The following RHEB variants were observed in gnomAD, a reference collection of about 807,000 sequenced individuals.
The protein encoded by RHEB is Ras homolog, mTORC1 binding.
RHEB carries 2 observed loss-of-function variants against 28.8 expected under a neutral mutation model. That is an observed-to-expected ratio of 0.07 (90% CI 0.03 to 0.22). The LOEUF (loss-of-function observed/expected upper bound fraction) is 0.22, where lower values mean the gene tolerates loss of function less well. RHEB is among the 10% of genes least tolerant of loss of function. The pLI is 1.00. For synonymous variants in RHEB, 69 were observed against 77.3 expected (o/e 0.89, Z 0.56); for missense variants, 76 against 219.9 (o/e 0.35, Z 4.14).
At position 151,475,987 on chromosome 7, in the gene RHEB, AT is replaced by A. The variant is rs908848560; in HGVS notation, c.275+1345del. On this transcript the variant is annotated intron_variant, in intron 4 of 7. Coordinates refer to ENST00000262187, the MANE Select transcript of RHEB (RefSeq NM_005614.4). ...ACAGTATCTATGCTTAGGTAATTAG[AT>A]TAAGAATGATTACCCTCACTTTCTA... 5.3e-5 allele frequency among the ~76,000 whole-genome samples: 8 copies of A among 152,342 alleles called. No individual in the cohort carries two copies. In the East Asian group the frequency reaches 5.8e-4, roughly 11 times the overall value.
intron 1 of RHEB, among the ~76,000 whole-genome samples, chr7:151,514,005 G>A (rs1404672700): frequency 6.6e-6 from 1 of 152,126 alleles, no homozygotes; most frequent in Non-Finnish European, 1.5e-5. Flanking sequence ...TTAAAAACCA[G>A]CTACAAAACT....
At chr7:151,500,142 CA>C (rs1802747343) in intron 1 of RHEB, among the ~76,000 whole-genome samples, 1 of 152,132 alleles carries the variant, frequency 6.6e-6, no homozygotes, top group South Asian at 2.1e-4. Context: ...GATTTACTTT[CA>C]AAAGCCACTA....
At chr7:151,516,637 A>AG (rs1352758222) in intron 1 of RHEB, among the ~76,000 whole-genome samples, 4 of 151,848 alleles carry the variant, frequency 2.6e-5, no homozygotes, top group Admixed American at 2.6e-4. Flanking sequence ...AAAAAAAAAA[A>AG]AAAAAAAGAA....
At chr7:151,500,556 TAA>T (rs921544811) in intron 1 of RHEB, among the ~76,000 whole-genome samples, 6 of 151,978 alleles carry the variant, frequency 3.9e-5, no homozygotes, top group South Asian at 2.1e-4. Context: ...TCAGAAAAAA[TAA>T]AAGAGAGGCT....
intron 1 of RHEB, among the ~76,000 whole-genome samples, chr7:151,512,076 T>C (rs1459535999): frequency 6.6e-6 from 1 of 152,224 alleles, no homozygotes; most frequent in Non-Finnish European, 1.5e-5. Flanking sequence ...AAGATTTCAT[T>C]TGGTACTTCA....
chr7:151,472,774 T>C lies in RHEB; in HGVS notation c.276-1169A>G, dbSNP rs147924327. Reference sequence around the variant, plus strand: ...ACAAGCTTCAGAATAAGTTAGCTTGTTGAATGAATTACACACTGTGCTATT... The same window carrying C: ...ACAAGCTTCAGAATAAGTTAGCTTGCTGAATGAATTACACACTGTGCTATT... On this transcript the variant is annotated intron_variant, in intron 4 of 7. Coordinates refer to ENST00000262187, the MANE Select transcript of RHEB (RefSeq NM_005614.4). This position sits in a 1 kb window ranked among gnomAD's most constrained non-coding sequence, Gnocchi z 5.2. Among the ~76,000 whole-genome samples, 112 of 152,336 alleles carry C rather than the reference T, an allele frequency of 7.4e-4. No individual in the cohort carries two copies. The East Asian group carries it at 0.016, about 22-fold the overall frequency.
At chr7:151,490,801 A>C in intron 2 of RHEB, 142 bp downstream of exon 2, 1 of 723,694 alleles carries the variant, frequency 1.4e-6, no homozygotes, top group Non-Finnish European at 2.5e-6. Context: ...AAAGTAGGTA[A>C]ATCTTTTGCA....
At chr7:151,494,884 T>C (rs1295699507) in intron 1 of RHEB, among the ~76,000 whole-genome samples, 1 of 152,236 alleles carries the variant, frequency 6.6e-6, no homozygotes, top group African/African-American at 2.4e-5. Context: ...TTAACTAGTG[T>C]TGAAATCTTG....
intron 1 of RHEB, chr7:151,502,901 A>C: frequency 1.2e-6 from 1 of 824,126 alleles, no homozygotes; most frequent in Non-Finnish European, 2.2e-6. Context: ...GTTACAATCG[A>C]AAGTTTTAAA....
At chr7:151,519,425 G>T in intron 1 of RHEB, 35 bp downstream of exon 1, 12 of 1,377,256 alleles carry the variant, frequency 8.7e-6, no homozygotes, top group Non-Finnish European at 1.0e-5. Context: ...AGGCCCCGGC[G>T]GCGCGAGGAG....
In RHEB at chr7:151,495,207, T is replaced by C. The variant is rs529679310; in HGVS notation, c.53-4193A>G. 4.6e-5 allele frequency among the ~76,000 whole-genome samples: 7 copies of C among 152,308 alleles called. No homozygotes were observed. In the East Asian group the frequency reaches 1.4e-3, roughly 29 times the overall value. The stretch of plus-strand genomic sequence containing the variant: ...TAATCTCACACTCCAGATCAACTCT[T>C]TGGAAAAATGTTACATGAAAACTAC... On this transcript the variant is annotated intron_variant, in intron 1 of 7. Coordinates refer to ENST00000262187, the MANE Select transcript of RHEB (RefSeq NM_005614.4).
At chr7:151,502,522 C>A in intron 1 of RHEB, 1 of 995,022 alleles carries the variant, frequency 1.0e-6, no homozygotes, top group Non-Finnish European at 1.6e-6. Context: ...TCAACGTTGA[C>A]TTTGAATCTT....
At chr7:151,484,337 C>A (rs1802429949) in intron 3 of RHEB, among the ~76,000 whole-genome samples, 1 of 152,020 alleles carries the variant, frequency 6.6e-6, no homozygotes, top group Admixed American at 6.5e-5. Flanking sequence ...TAAGTATTAA[C>A]CCTTACAATG....
At chr7:151,496,763 A>G (rs575506934) in intron 1 of RHEB, among the ~76,000 whole-genome samples, 1 of 151,806 alleles carries the variant, frequency 6.6e-6, no homozygotes, top group Non-Finnish European at 1.5e-5. Context: ...ACAAACCTCT[A>G]TGACTTTTGT....
intron 1 of RHEB, among the ~76,000 whole-genome samples, chr7:151,515,152 A>T (rs1803056154): frequency 6.6e-6 from 1 of 152,192 alleles, no homozygotes; most frequent in Non-Finnish European, 1.5e-5. Context: ...ACATGACAGA[A>T]TATTAGTCAG....
intron 1 of RHEB, chr7:151,502,472 T>G: frequency 1.1e-6 from 1 of 871,412 alleles, no homozygotes; most frequent in Non-Finnish European, 2.0e-6. Flanking sequence ...GGTTGTTTAC[T>G]GTGGAACAAC....
intron 1 of RHEB, among the ~76,000 whole-genome samples, chr7:151,508,982 G>A (rs1348819620): frequency 6.6e-6 from 1 of 152,166 alleles, no homozygotes; most frequent in African/African-American, 2.4e-5. Context: ...AACATGGTTA[G>A]ATTAAGAAAG....
At chr7:151,490,849 T>C (rs1802568135) in intron 2 of RHEB, 94 bp downstream of exon 2, 2 of 924,206 alleles carry the variant, frequency 2.2e-6, no homozygotes, top group Non-Finnish European at 3.6e-6. Context: ...ACACAGAATT[T>C]ACCTCCTGCA....
At chr7:151,492,573 C>T (rs934117483) in intron 1 of RHEB, among the ~76,000 whole-genome samples, 2 of 150,358 alleles carry the variant, frequency 1.3e-5, no homozygotes, top group African/African-American at 2.5e-5. Context: ...GCTGAGATGG[C>T]GCCACTGCAC....
Sources: gnomAD v4.1 joint callset for allele counts (sites outside exome capture counted in the v4.1 genomes callset) on GRCh38, gnomAD v4.1.1 for gene constraint, Gnocchi (gnomAD v3.1) non-coding constraint, MANE v1.5 for transcripts, NCBI Gene and HGNC (gene_info 2026-07-23, HGNC 2026-07-21) for gene names.